CSMD1: variants seen among roughly 807,000 people sequenced by gnomAD.
CSMD1 encodes CUB and sushi domain-containing protein 1.
In CSMD1, 213 loss-of-function variants were observed where a neutral mutation model predicts 417.5. The observed-to-expected ratio is 0.51, with a 90% confidence interval of 0.46 to 0.57. The LOEUF (loss-of-function observed/expected upper bound fraction) is 0.57, where lower values mean the gene tolerates loss of function less well. Among genes scored for constraint, CSMD1 ranks in the 20% least tolerant of loss-of-function variants. CSMD1 has a pLI of 0.00. For synonymous variants in CSMD1, 2,862 were observed against 1,736.8 expected (o/e 1.65, Z -16.11); for missense variants, 6,923 against 4,529.7 (o/e 1.53, Z -15.17).
At chr8:4,515,373 A>G (rs1803058376) in intron 2 of CSMD1, among the ~76,000 whole-genome samples, 1 of 152,160 alleles carries the variant, frequency 6.6e-6, no homozygotes, top group South Asian at 2.1e-4. Context: ...TAGTGGAGAG[A>G]GATGTTAAAT....
rs372267903 is a variant in CSMD1, at chr8:4,051,905, TTCCTTC to T, written c.416-19812_416-19807del. On this transcript the variant is annotated intron_variant, in intron 3 of 69. Transcript: ENST00000635120. ...CTTCCTTCCTTCCTTCCTTCCTTCC[TTCCTTC>T]CTTTCTTTCTTTTTCTTTCTTTCTT... Among the ~76,000 whole-genome samples the T allele has an allele frequency of 4.9e-4, 72 of 147,462 alleles. 1 individual carries two copies. The highest frequency in any genetic ancestry group is 8.6e-4 in the African/African-American group (34 of 39,696).
chr8:4,044,125 C>T (rs1414783449), intron 3 of CSMD1, among the ~76,000 whole-genome samples: 2 of 152,154 alleles, frequency 1.3e-5, no homozygotes, highest in African/African-American at 2.4e-5. Flanking sequence ...TTCTGGCTCA[C>T]ATGTTCTCAT....
chr8:4,281,773 A>G (rs891792958), intron 3 of CSMD1, among the ~76,000 whole-genome samples: 2 of 152,234 alleles, frequency 1.3e-5, no homozygotes, highest in African/African-American at 2.4e-5. Flanking sequence ...ATAAAGGAAT[A>G]AAGTGATAAC....
Position 4,713,474 on chromosome 8 carries a change from T to A in CSMD1, c.86-75916A>T, listed in dbSNP as rs944768079. 7.9e-5 allele frequency among the ~76,000 whole-genome samples: 12 copies of A among 152,288 alleles called. No homozygotes were observed. In the East Asian group the frequency reaches 2.3e-3, roughly 29 times the overall value. ...TGGAGTGCAGTGGCGCGATACCGGCTCACTGCCATCTCCGCCTCCCGGGTT... is the reference window on the plus strand; with the variant it reads ...TGGAGTGCAGTGGCGCGATACCGGCACACTGCCATCTCCGCCTCCCGGGTT... On this transcript the variant is annotated intron_variant, in intron 1 of 69. Transcript: ENST00000635120.
intron 3 of CSMD1, among the ~76,000 whole-genome samples, chr8:4,234,706 C>G (rs997563984): frequency 1.3e-5 from 2 of 152,120 alleles, no homozygotes; most frequent in East Asian, 3.9e-4. Context: ...GTGTGGTGTA[C>G]GGCCACACGG....
chr8:4,430,428 C>G (rs1354232778), intron 2 of CSMD1, among the ~76,000 whole-genome samples: 1 of 152,012 alleles, frequency 6.6e-6, no homozygotes, highest in Non-Finnish European at 1.5e-5. Context: ...CTACCTTCTC[C>G]CGGGACCCTG....
intron 5 of CSMD1, among the ~76,000 whole-genome samples, chr8:3,799,147 T>A (rs921080873): frequency 9.2e-5 from 14 of 152,094 alleles, no homozygotes; most frequent in Non-Finnish European, 2.1e-4. Context: ...AACACTTCAA[T>A]AAAAAGTTTT....
chr8:4,299,914 C>A (rs1315636535), intron 3 of CSMD1, among the ~76,000 whole-genome samples: 4 of 152,150 alleles, frequency 2.6e-5, no homozygotes, highest in Non-Finnish European at 5.9e-5. Context: ...CAGGTATAAG[C>A]CACTGCGCCC....
intron 12 of CSMD1, among the ~76,000 whole-genome samples, chr8:3,457,347 G>C (rs920453799): frequency 2.0e-5 from 3 of 152,132 alleles, no homozygotes; most frequent in African/African-American, 7.2e-5. Context: ...AAAGTCTGAA[G>C]CTGCCTAACT....
chr8:4,068,609 C>G lies in CSMD1; in HGVS notation c.416-36510G>C, dbSNP rs538468493. Among the ~76,000 whole-genome samples, 10 of 152,168 alleles carry G rather than the reference C, an allele frequency of 6.6e-5. No individual in the cohort carries two copies. The South Asian group carries it at 1.9e-3, about 28-fold the overall frequency. On this transcript the variant is annotated intron_variant, in intron 3 of 69. Transcript: ENST00000635120. ...TTTGTAATGATTGCAGAAAACATAT[C>G]TAGTTCATATAATGTTACCATATCA...
At chr8:3,777,893 A>G (rs1798979364) in intron 5 of CSMD1, among the ~76,000 whole-genome samples, 1 of 151,292 alleles carries the variant, frequency 6.6e-6, no homozygotes, top group Non-Finnish European at 1.5e-5. Context: ...TGAAGCGCAG[A>G]GTCTCAGTTC....
At chr8:3,245,914 CT>C (rs1799852174) in intron 26 of CSMD1, among the ~76,000 whole-genome samples, 1 of 152,164 alleles carries the variant, frequency 6.6e-6, no homozygotes, top group Non-Finnish European at 1.5e-5. Context: ...GAATCGCATT[CT>C]ACTTGAAAGC....
chr8:4,370,235 G>A (rs888608219), intron 3 of CSMD1, among the ~76,000 whole-genome samples: 5 of 151,716 alleles, frequency 3.3e-5, no homozygotes, highest in African/African-American at 1.2e-4. Flanking sequence ...ATTCTTGTTT[G>A]GAATTACTTT....
rs536046103 is a variant in CSMD1, at chr8:3,680,815, C to A, written c.1009+27599G>T. On this transcript the variant is annotated intron_variant, in intron 7 of 69. Transcript: ENST00000635120. ...TAAAATACTGGCAAACCGAACTCAGCAGCACATCAAAAAGCTTATCCACCA... is the reference window on the plus strand; with the variant it reads ...TAAAATACTGGCAAACCGAACTCAGAAGCACATCAAAAAGCTTATCCACCA... Among the ~76,000 whole-genome samples, 5 of 152,284 alleles carry A rather than the reference C, an allele frequency of 3.3e-5. No homozygotes were observed. The East Asian group carries it at 9.7e-4, about 29-fold the overall frequency.
At chr8:3,281,675 G>A (rs1204054706) in intron 26 of CSMD1, among the ~76,000 whole-genome samples, 1 of 152,170 alleles carries the variant, frequency 6.6e-6, no homozygotes, top group Non-Finnish European at 1.5e-5. Context: ...GAATTAGGAG[G>A]AAGGAAGGGA....
intron 10 of CSMD1, among the ~76,000 whole-genome samples, chr8:3,544,976 T>C (rs886229899): frequency 6.6e-6 from 1 of 150,966 alleles, no homozygotes; most frequent in African/African-American, 2.5e-5. Context: ...AACTTGATCC[T>C]TCATTTTTGT....
At chr8:4,963,140 T>A (rs528990036) in intron 1 of CSMD1, among the ~76,000 whole-genome samples, 14 of 152,302 alleles carry the variant, frequency 9.2e-5, no homozygotes, top group South Asian at 4.1e-4. Context: ...CTACAGGCAG[T>A]CAATTGCCCT....
chr8:3,774,915 C>T (rs1380439251), intron 5 of CSMD1, among the ~76,000 whole-genome samples: 2 of 151,954 alleles, frequency 1.3e-5, no homozygotes, highest in Admixed American at 6.6e-5. Context: ...ATATGGTAAC[C>T]AAGAAGGCTA....
intron 3 of CSMD1, among the ~76,000 whole-genome samples, chr8:4,047,880 A>G (rs1469793244): frequency 6.6e-6 from 1 of 152,194 alleles, no homozygotes; most frequent in African/African-American, 2.4e-5. Flanking sequence ...TAATATTTAC[A>G]TCACTGAGCC....
Sources: allele counts gnomAD v4.1 joint callset (sites outside exome capture counted in the v4.1 genomes callset), GRCh38; gene constraint gnomAD v4.1.1; transcripts MANE v1.5; gene names NCBI Gene and HGNC (gene_info 2026-07-23, HGNC 2026-07-21).